WBP11: variants seen among roughly 807,000 people sequenced by gnomAD.
The protein encoded by WBP11 is WW domain binding protein 11, also known as WW domain-binding protein 11.
WBP11 carries 12 observed loss-of-function variants against 66.7 expected under a neutral mutation model. That is an observed-to-expected ratio of 0.18 (90% CI 0.12 to 0.29). The LOEUF (loss-of-function observed/expected upper bound fraction) is 0.29. Ranked by LOEUF, WBP11 falls within the 10% of genes least tolerant of loss-of-function variation. The pLI is 1.00. For missense variants in WBP11, 555 were observed against 818.3 expected (o/e 0.68, Z 3.93); for synonymous variants, 255 against 273.8 (o/e 0.93, Z 0.68).
intron 4 of WBP11, chr12:14,799,356 TCTCCCAAAAAGCAA>T (rs1490306933): frequency 8.4e-6 from 2 of 237,144 alleles, no homozygotes; most frequent in Admixed American, 5.6e-5. Context: ...GATTAAGTCT[TCTCCCAAAAAGCAA>T]GCTGGCCAAA....
At chr12:14,803,276 C>T (rs1390773844) in intron 1 of WBP11, 76 bp downstream of exon 1, 2 of 395,546 alleles carry the variant, frequency 5.1e-6, no homozygotes, top group Non-Finnish European at 8.9e-6. Flanking sequence ...GGCTGGGTGT[C>T]CCCCAAGCCG....
intron 8 of WBP11, among the ~76,000 whole-genome samples, chr12:14,792,844 A>AG (rs1035211338): frequency 6.6e-6 from 1 of 151,410 alleles, no homozygotes; most frequent in African/African-American, 2.4e-5. Context: ...AAAAAAAAAA[A>AG]GGAAAAAAAG....
chr12:14,790,492 C>T lies in WBP11; in HGVS notation c.1273G>A (p.Gly425Arg), dbSNP rs900732733. 3 of 1,613,944 alleles carry T rather than the reference C, an allele frequency of 1.9e-6. No individual in the cohort carries two copies. Among genetic ancestry groups the T allele is most frequent in the Non-Finnish European group, 2.5e-6 (3 of 1,179,846 alleles). ...CCAGGAGGAAGGCCTGTAGGTGGCC[C>T]AGGAGGCCGTAATGGTGGAGCAGGT... ...PPPAPPLRPP[G>R]PPTGLPPGPP... The change falls in exon 10 of 12, where the codon GGG (glycine) becomes AGG (arginine). Residue 425 changes from glycine (G) to arginine (R), a missense_variant. Physicochemically the swap from Gly to Arg is moderately radical, Grantham distance 125 (BLOSUM62 -2). Coordinates refer to ENST00000261167, the MANE Select transcript of WBP11 (RefSeq NM_016312.3).
chr12:14,790,033 C>T lies in WBP11; in HGVS notation c.1309+423G>A, dbSNP rs71532838. The stretch of plus-strand genomic sequence containing the variant: ...CACCTTTGCCTCTAAAAAAGAACTA[C>T]AACTAAAAAACTATGGAGATTACAC... On this transcript the variant is annotated intron_variant, in intron 10 of 11. Coordinates refer to ENST00000261167, the MANE Select transcript of WBP11 (RefSeq NM_016312.3). Among the ~76,000 whole-genome samples the T allele has an allele frequency of 2.0e-4, 31 of 152,320 alleles. No individual in the cohort carries two copies. In the Middle Eastern group the frequency reaches 0.01, roughly 50 times the overall value.
chr12:14,793,207 T>A (rs914471026), intron 8 of WBP11, among the ~76,000 whole-genome samples: 3 of 152,234 alleles, frequency 2.0e-5, no homozygotes, highest in Non-Finnish European at 4.4e-5. Flanking sequence ...GTACCCATTA[T>A]GATGCTTAAA....
intron 11 of WBP11, among the ~76,000 whole-genome samples, 190 bp from the exon 12 acceptor site, chr12:14,787,688 G>A (rs1050105835): frequency 1.3e-5 from 2 of 152,150 alleles, no homozygotes; most frequent in African/African-American, 4.8e-5. Context: ...TTTACCTTCA[G>A]CCTATATTCC....
chr12:14,801,665 C>G (rs1949964985), intron 1 of WBP11, among the ~76,000 whole-genome samples: 1 of 152,132 alleles, frequency 6.6e-6, no homozygotes, highest in Non-Finnish European at 1.5e-5. Context: ...TTTGAATATC[C>G]TCAAGTCATC....
chr12:14,799,510 AT>A (rs1294576657), intron 4 of WBP11, 124 bp downstream of exon 4: 41 of 921,456 alleles, frequency 4.4e-5, no homozygotes, highest in Non-Finnish European at 6.0e-5. Flanking sequence ...TGAAACTAAC[AT>A]TAAATCCAAG....
rs200120708 is a variant in WBP11 at position 14,793,806 on chromosome 12, C to T, written c.838G>A (p.Asp280Asn). ...STDDSDTDKSDGESDGDEFVH... is the reference protein window; with the variant it reads ...STDDSDTDKSNGESDGDEFVH... ...AATTCATCCCCGTCACTTTCTCCAT[C>T]TGATTTGTCGGTGTCACTGTCATCA... The change falls in exon 8 of 12, where the codon GAT (aspartate) becomes AAT (asparagine). Residue 280 changes from aspartate (D) to asparagine (N), a missense_variant. Asp to Asn is a conservative substitution (Grantham distance 23). Around this residue, in one of 6 missense-constraint regions of WBP11, gnomAD observed 220 missense variants for 268.2 expected, o/e 0.82. Transcript: ENST00000261167. The T allele has an allele frequency of 6.2e-7, 1 of 1,614,108 alleles. No homozygotes were observed. Among genetic ancestry groups the T allele is most frequent in the African/African-American group, 1.3e-5 (1 of 75,048 alleles).
At position 14,784,907 on chromosome 12, in the gene WBP11, C is replaced by G. The variant is rs1949734888; in HGVS notation, c.*2158G>C. The G allele has an allele frequency of 6.8e-6, 1 of 147,796 alleles. No individual in the cohort carries two copies. The highest frequency in any genetic ancestry group is 2.5e-5 in the African/African-American group (1 of 39,454). 9.2% of individuals were successfully genotyped at this position (147,796 alleles called of 1,614,324 possible). On this transcript the variant is annotated 3_prime_UTR_variant, in exon 12 of 12. Transcript: ENST00000261167. ...AGAATCAGAACTGCTAATTAATTCCCCTTTCCTGTGGATGCAGCTGATGTA... is the reference window on the plus strand; with the variant it reads ...AGAATCAGAACTGCTAATTAATTCCGCTTTCCTGTGGATGCAGCTGATGTA...
chr12:14,787,163 T>C lies in WBP11; in HGVS notation c.1828A>G (p.Lys610Glu), dbSNP rs565599295. The change falls in exon 12 of 12, where the codon AAA becomes GAA. Residue 610 changes from lysine (K) to glutamate (E), a missense_variant. By Grantham distance (56) the Lys-to-Glu change is moderately conservative. This residue lies in a region of WBP11 where 50 missense variants were observed against 68.3 expected (regional missense o/e 0.73). Transcript: ENST00000261167. ...GAAGGACCAGATTTGGGTGCTGCTT[T>C]GGCAAGAGGCACAGCAGAATCATCC... Reference protein sequence around the residue: ...SEDDSAVPLAKAAPKSGPSVP... With the variant: ...SEDDSAVPLAEAAPKSGPSVP... The C allele has an allele frequency of 1.2e-6, 2 of 1,613,820 alleles. No homozygotes were observed. Among genetic ancestry groups the C allele is most frequent in the African/African-American group, 2.7e-5 (2 of 75,034 alleles).
chr12:14,795,746 C>CA (rs958983468), intron 5 of WBP11, among the ~76,000 whole-genome samples: 6 of 151,322 alleles, frequency 4.0e-5, no homozygotes, highest in East Asian at 1.9e-4. Context: ...AAAAAATAAA[C>CA]AAAAAAAAGA....
Position 14,796,778 on chromosome 12 carries a change from T to TTC in WBP11, c.387+28_387+29insGA. 1.3e-6 allele frequency: 2 copies of TTC among 1,569,334 alleles called. No individual in the cohort carries two copies. The highest frequency in any genetic ancestry group is 1.7e-6 in the Non-Finnish European group (2 of 1,167,292). ...TACTCAATCTGTATAATATTTTAGTTTATCTCTCAAAAAAAAAACCTTGAT... is the reference window on the plus strand; with the variant it reads ...TACTCAATCTGTATAATATTTTAGTTTCTATCTCTCAAAAAAAAAACCTTGAT... On this transcript the variant is annotated intron_variant, in intron 5 of 11. Transcript: ENST00000261167. This position sits in a 1 kb window ranked among gnomAD's most constrained non-coding sequence, Gnocchi z 4.5.
At chr12:14,803,316 G>A (rs1478208569) in intron 1 of WBP11, 36 bp downstream of exon 1, 11 of 397,612 alleles carry the variant, frequency 2.8e-5, no homozygotes, top group African/African-American at 4.1e-5. Flanking sequence ...GACGAAAGAG[G>A]TGAGGAAGAG....
At chr12:14,802,593 T>C (rs977010453) in intron 1 of WBP11, among the ~76,000 whole-genome samples, 1 of 152,066 alleles carries the variant, frequency 6.6e-6, no homozygotes, top group East Asian at 1.9e-4. Flanking sequence ...CCTGTGATGT[T>C]TGACTCACTA....
At chr12:14,789,541 C>T (rs908814540) in intron 10 of WBP11, among the ~76,000 whole-genome samples, 14 of 152,044 alleles carry the variant, frequency 9.2e-5, no homozygotes, top group African/African-American at 2.9e-4. Context: ...GCTGAGATTG[C>T]GCCATTGCAC....
chr12:14,797,397 G>A (rs1030851741), intron 4 of WBP11, among the ~76,000 whole-genome samples: 1 of 152,170 alleles, frequency 6.6e-6, no homozygotes, highest in Non-Finnish European at 1.5e-5. Context: ...CTAAAAAATG[G>A]AGACGTTAAT....
In WBP11 at chr12:14,786,989, C is replaced by G; in HGVS notation, c.*76G>C. On this transcript the variant is annotated 3_prime_UTR_variant, in exon 12 of 12. Coordinates refer to ENST00000261167, the MANE Select transcript of WBP11 (RefSeq NM_016312.3). ...ACCCTGACAATGGAAGCAGCTCTTT[C>G]ATCTAAGTTTAATAAGAGCCTCTTT... 7.2e-7 allele frequency: 1 copy of G among 1,381,090 alleles called. No homozygotes were observed. Among genetic ancestry groups the G allele is most frequent in the Non-Finnish European group, 9.7e-7 (1 of 1,028,488 alleles). The allele number at this position is 1,381,090 out of a possible 1,614,324, so 85.6% of individuals were successfully genotyped here. A position where few individuals can be genotyped will look rare whatever the true frequency, so the allele number is the denominator to read the frequency against.
chr12:14,789,820 G>A (rs1446764075), intron 10 of WBP11, among the ~76,000 whole-genome samples: 1 of 152,148 alleles, frequency 6.6e-6, no homozygotes. Flanking sequence ...AGACCACTAA[G>A]AATGACATAA....
Sources: gnomAD v4.1 joint callset for allele counts (sites outside exome capture counted in the v4.1 genomes callset) on GRCh38, gnomAD v4.1.1 for gene constraint, gnomAD v4.1.1 regional missense constraint, Gnocchi (gnomAD v3.1) non-coding constraint, MANE v1.5 for transcripts, NCBI Gene and HGNC (gene_info 2026-07-23, HGNC 2026-07-21) for gene names.